Variants in CDH6 observed in about 807,000 individuals in gnomAD.
CDH6 encodes the protein cadherin 6, also known as cadherin-6.
CDH6 carries 31 observed loss-of-function variants against 78.0 expected under a neutral mutation model. The observed-to-expected ratio is 0.40, with a 90% confidence interval of 0.30 to 0.54. The LOEUF (loss-of-function observed/expected upper bound fraction) is 0.54. Ranked by LOEUF, CDH6 falls within the 20% of genes least tolerant of loss-of-function variation. The pLI, the probability that CDH6 is intolerant of heterozygous loss-of-function variation, is 0.56. For synonymous variants in CDH6, 376 were observed against 368.8 expected, an observed-to-expected ratio of 1.02 and a Z score of -0.23; for missense variants, 724 against 975.9, an observed-to-expected ratio of 0.74 and a Z score of 3.44.
intron 7 of CDH6, among the ~76,000 whole-genome samples, chr5:31,305,810 A>C (rs549972229): frequency 3.9e-5 from 6 of 152,236 alleles, no homozygotes; most frequent in Admixed American, 6.5e-5. Flanking sequence ...AATAGTTATT[A>C]TCTTGATGTT....
intron 1 of CDH6, among the ~76,000 whole-genome samples, chr5:31,238,913 A>G (rs899520097): frequency 4.6e-5 from 7 of 152,240 alleles, no homozygotes; most frequent in African/African-American, 1.7e-4. Context: ...TTTTGATCAT[A>G]CATTTACTTC....
At chr5:31,322,330 T>C (rs1478649397) in intron 11 of CDH6, among the ~76,000 whole-genome samples, 2 of 149,636 alleles carry the variant, frequency 1.3e-5, no homozygotes, top group Admixed American at 1.3e-4. Flanking sequence ...TTTACACTTT[T>C]CTCAGGTAAA....
At chr5:31,313,479 T>C in intron 8 of CDH6, 25 bp downstream of exon 8, 1 of 1,607,134 alleles carries the variant, frequency 6.2e-7, no homozygotes, top group African/African-American at 1.3e-5. Flanking sequence ...ATACCGCTGC[T>C]GTCCCCTATT....
intron 2 of CDH6, among the ~76,000 whole-genome samples, chr5:31,274,420 TAACAGA>T: frequency 6.6e-6 from 1 of 152,146 alleles, no homozygotes; most frequent in South Asian, 2.1e-4. Flanking sequence ...CACAGCAGAG[TAACAGA>T]GAAAGCCTCA....
chr5:31,293,742 C>T (rs1737485539), intron 2 of CDH6, among the ~76,000 whole-genome samples: 1 of 151,850 alleles, frequency 6.6e-6, no homozygotes, highest in Non-Finnish European at 1.5e-5. Context: ...TTCTCCCAAA[C>T]TCTGTTCCAG....
chr5:31,258,304 G>A (rs561820665), intron 1 of CDH6, among the ~76,000 whole-genome samples: 26 of 152,278 alleles, frequency 1.7e-4, no homozygotes, highest in Admixed American at 5.2e-4. Flanking sequence ...ATGCTATGCA[G>A]CCATAAAAAA....
rs1738581076 is a variant in CDH6, at chr5:31,324,770, C to A, written c.*1462C>A. ...TTATTATCCAGAGGACCCAACTGAACTGAACTAATCCTTCTGGCAGATTCA... is the reference window on the plus strand; with the variant it reads ...TTATTATCCAGAGGACCCAACTGAAATGAACTAATCCTTCTGGCAGATTCA... On this transcript the variant is annotated 3_prime_UTR_variant, in exon 12 of 12. Transcript: ENST00000265071. The A allele has an allele frequency of 4.8e-6, 1 of 206,820 alleles. No homozygotes were observed. Among genetic ancestry groups the A allele is most frequent in the South Asian group, 1.9e-4 (1 of 5,268 alleles). The allele number at this position is 206,820 out of a possible 1,614,324, so 12.8% of individuals were successfully genotyped here. A position where few individuals can be genotyped will look rare whatever the true frequency, so the allele number is the denominator to read the frequency against.
chr5:31,286,786 C>T (rs993257550), intron 2 of CDH6, among the ~76,000 whole-genome samples: 2 of 152,022 alleles, frequency 1.3e-5, no homozygotes, highest in South Asian at 2.1e-4. Context: ...GTTTGGAGGG[C>T]CTCCTTGCAA....
chr5:31,261,618 G>A (rs1256179225), intron 1 of CDH6, among the ~76,000 whole-genome samples: 1 of 152,144 alleles, frequency 6.6e-6, no homozygotes, highest in Non-Finnish European at 1.5e-5. Flanking sequence ...AATGCTTATT[G>A]TGCTTTCAAT....
At chr5:31,264,419 T>C (rs1326163687) in intron 1 of CDH6, among the ~76,000 whole-genome samples, 3 of 152,208 alleles carry the variant, frequency 2.0e-5, no homozygotes, top group East Asian at 1.9e-4. Flanking sequence ...ATGAGGTGGA[T>C]AGTATCATTA....
chr5:31,253,325 T>A (rs1741963336), intron 1 of CDH6, among the ~76,000 whole-genome samples: 1 of 152,224 alleles, frequency 6.6e-6, no homozygotes, highest in Non-Finnish European at 1.5e-5. Context: ...CAAGATCTGA[T>A]GGTTTTACAA....
At chr5:31,312,223 CT>C (rs1738177757) in intron 7 of CDH6, among the ~76,000 whole-genome samples, 1 of 152,210 alleles carries the variant, frequency 6.6e-6, no homozygotes, top group South Asian at 2.1e-4. Flanking sequence ...CTAGATATCT[CT>C]TCCTGAACTT....
At chr5:31,299,705 C>T in intron 5 of CDH6, 74 bp downstream of exon 5, 2 of 1,283,180 alleles carry the variant, frequency 1.6e-6, no homozygotes, top group South Asian at 2.5e-5. Flanking sequence ...TTTTATTTTC[C>T]ATTGTCATCA....
chr5:31,259,669 A>C (rs1369807937), intron 1 of CDH6, among the ~76,000 whole-genome samples: 1 of 152,222 alleles, frequency 6.6e-6, no homozygotes, highest in Non-Finnish European at 1.5e-5. Context: ...AATTCATACC[A>C]TGAAGAGCTA....
chr5:31,283,907 T>C (rs1579881313), intron 2 of CDH6, among the ~76,000 whole-genome samples: 1 of 151,980 alleles, frequency 6.6e-6, no homozygotes, highest in Non-Finnish European at 1.5e-5. Flanking sequence ...CTCCGCCTCC[T>C]GGGTTCAAGC....
At chr5:31,283,869 C>T (rs1198344930) in intron 2 of CDH6, among the ~76,000 whole-genome samples, 1 of 151,676 alleles carries the variant, frequency 6.6e-6, no homozygotes, top group African/African-American at 2.4e-5. Flanking sequence ...GGCTTGAGTA[C>T]AGTGGCACGA....
At chr5:31,194,602 C>T (rs770496652) in intron 1 of CDH6, among the ~76,000 whole-genome samples, 16 of 152,146 alleles carry the variant, frequency 1.1e-4, no homozygotes, top group Non-Finnish European at 2.1e-4. Flanking sequence ...AAATGGAGCA[C>T]ACTGTCCAGG....
At chr5:31,304,015 A>T (rs1737904351) in intron 6 of CDH6, among the ~76,000 whole-genome samples, 1 of 152,182 alleles carries the variant, frequency 6.6e-6, no homozygotes, top group Non-Finnish European at 1.5e-5. Flanking sequence ...TAAAACTAAA[A>T]GTCAGCAATA....
intron 1 of CDH6, among the ~76,000 whole-genome samples, chr5:31,197,563 G>A (rs1355699605): frequency 6.6e-6 from 1 of 152,052 alleles, no homozygotes; most frequent in African/African-American, 2.4e-5. Flanking sequence ...ACTTTCTCTG[G>A]TTTAAATATT....
Sources: allele counts gnomAD v4.1 joint callset (sites outside exome capture counted in the v4.1 genomes callset), GRCh38; gene constraint gnomAD v4.1.1; transcripts MANE v1.5; gene names NCBI Gene and HGNC (gene_info 2026-07-23, HGNC 2026-07-21).